NUP214: variants seen among roughly 807,000 people sequenced by gnomAD.
NUP214 encodes nucleoporin 214, also known as nuclear pore complex protein Nup214.
A neutral mutation model predicts 196.2 loss-of-function variants in NUP214; 79 were observed. That is an observed-to-expected ratio of 0.40 (90% CI 0.34 to 0.49). The LOEUF is 0.49. NUP214 is among the 20% of genes least tolerant of loss of function. The pLI, the probability that NUP214 is intolerant of heterozygous loss-of-function variation, is 0.58. For missense variants in NUP214, 2,468 were observed against 2,539.0 expected (o/e 0.97, Z 0.60); for synonymous variants, 1,020 against 990.5 (o/e 1.03, Z -0.56).
chr9:131,139,088 T>TG (rs1831828207), intron 9 of NUP214, among the ~76,000 whole-genome samples, 193 bp from the exon 10 acceptor site: 1 of 151,934 alleles, frequency 6.6e-6, no homozygotes, highest in Non-Finnish European at 1.5e-5. Context: ...TCCCATTTGC[T>TG]GGGGTACTTC....
At chr9:131,179,414 T>A (rs1157208153) in intron 24 of NUP214, among the ~76,000 whole-genome samples, 1 of 152,146 alleles carries the variant, frequency 6.6e-6, no homozygotes, top group Non-Finnish European at 1.5e-5. Context: ...GCCCTGCATA[T>A]TTTGTGACTG....
At chr9:131,203,439 A>G (rs1267667234) in intron 30 of NUP214, among the ~76,000 whole-genome samples, 1 of 152,242 alleles carries the variant, frequency 6.6e-6, no homozygotes, top group Non-Finnish European at 1.5e-5. Flanking sequence ...TTATGAAGAA[A>G]GATACCCTAA....
chr9:131,148,763 T>G (rs2133507028), intron 14 of NUP214, among the ~76,000 whole-genome samples: 1 of 152,272 alleles, frequency 6.6e-6, no homozygotes, highest in Admixed American at 6.5e-5. Context: ...CTTCTGATTT[T>G]TAAGAGTGAG....
At chr9:131,205,775 A>G (rs1834059403) in intron 30 of NUP214, among the ~76,000 whole-genome samples, 1 of 151,958 alleles carries the variant, frequency 6.6e-6, no homozygotes, top group Admixed American at 6.6e-5. Context: ...GCTCACTGCA[A>G]CCTCTGCCTG....
rs1834940294 is a variant in NUP214, at chr9:131,233,685, A to G, written c.*198A>G. On this transcript the variant is annotated 3_prime_UTR_variant, in exon 36 of 36. Transcript: ENST00000359428. ...ATGTTGGGTTTTCCCTCCCACTATT[A>G]AACAGTCTGTTTCCGTACAGAACGT... The G allele has an allele frequency of 3.0e-6, 2 of 664,330 alleles. No individual in the cohort carries two copies. Among genetic ancestry groups the G allele is most frequent in the South Asian group, 3.1e-5 (2 of 65,022 alleles). The allele number at this position is 664,330 out of a possible 1,614,324, so 41.2% of individuals were successfully genotyped here. A position where few individuals can be genotyped will look rare whatever the true frequency, so the allele number is the denominator to read the frequency against.
chr9:131,178,223 A>G (rs1833169996), intron 23 of NUP214, 88 bp from the exon 24 acceptor site: 3 of 935,168 alleles, frequency 3.2e-6, no homozygotes, highest in Non-Finnish European at 5.1e-6. Context: ...GCTTGGGCTC[A>G]TGTCTTGGTT....
intron 28 of NUP214, 178 bp downstream of exon 28, chr9:131,195,472 G>T (rs1833747846): frequency 2.2e-6 from 1 of 459,556 alleles, no homozygotes; most frequent in Admixed American, 4.1e-5. Flanking sequence ...TGATGTGAAG[G>T]ATTTCTATTT....
intron 24 of NUP214, 115 bp downstream of exon 24, chr9:131,178,525 G>A (rs1032594561): frequency 2.9e-6 from 2 of 696,082 alleles, no homozygotes; most frequent in South Asian, 1.8e-5. Flanking sequence ...ACCGCCTTAG[G>A]TTATAAGGGG....
intron 9 of NUP214, 32 bp from the exon 10 acceptor site, chr9:131,139,249 C>G: frequency 7.3e-7 from 1 of 1,370,878 alleles, no homozygotes. Context: ...TTTTCTTCTT[C>G]TTCTTCTTTT....
In NUP214 at chr9:131,159,496, A is replaced by T. The variant is rs370930367; in HGVS notation, c.2540+10A>T. The T allele has an allele frequency of 5.1e-6, 8 of 1,571,002 alleles. No homozygotes were observed. In the African/African-American group the frequency reaches 9.5e-5, roughly 19 times the overall value. ...AAAAGAAAAAACAAAGGTGAATGAG[A>T]TCTCTCATCTGCAATGTGTTGGAAT... On this transcript the variant is annotated intron_variant, in intron 18 of 35. Coordinates refer to ENST00000359428, the MANE Select transcript of NUP214 (RefSeq NM_005085.4).
At chr9:131,188,872 C>T (rs1833524875) in intron 25 of NUP214, among the ~76,000 whole-genome samples, 181 bp from the exon 26 acceptor site, 1 of 152,224 alleles carries the variant, frequency 6.6e-6, no homozygotes. Context: ...TATGATCTTA[C>T]ATATGGTTAA....
At chr9:131,135,789 A>G (rs1367774799) in intron 8 of NUP214, 151 bp from the exon 9 acceptor site, 4 of 581,734 alleles carry the variant, frequency 6.9e-6, no homozygotes, top group Non-Finnish European at 1.2e-5. Context: ...CTTTACATCT[A>G]GAATCTTCCC....
chr9:131,189,680 T>C (rs532837412), intron 26 of NUP214, among the ~76,000 whole-genome samples: 82 of 152,256 alleles, frequency 5.4e-4, no homozygotes, highest in Non-Finnish European at 8.8e-4. Context: ...AGCATAATTA[T>C]TCTTAATTTA....
At chr9:131,222,641 C>T (rs925056220) in intron 31 of NUP214, 137 bp from the exon 32 acceptor site, 19 of 954,752 alleles carry the variant, frequency 2.0e-5, no homozygotes, top group Middle Eastern at 6.0e-4. Context: ...CTGTCACTGT[C>T]GCTCCGCTCC....
Position 131,144,749 on chromosome 9 carries a change from T to G in NUP214, c.1764T>G (p.Ser588Arg), listed in dbSNP as rs751748193. 3 of 1,593,958 alleles carry G rather than the reference T, an allele frequency of 1.9e-6. No homozygotes were observed. The highest frequency in any genetic ancestry group is 2.2e-5 in the East Asian group (1 of 44,780). Residue 588 changes from serine (S) to arginine (R), a missense_variant, in exon 12 of 36, where the codon AGT (serine) becomes AGG (arginine). Transcript: ENST00000359428. ...CCTCTGCTGTCAAAGTCAACCTTAG[T>G]GAAAAGTAAGTCACTTCTAAAGTTT... ...PSTSAVKVNL[S>R]EKFTAAATST...
At chr9:131,127,416 G>C in intron 1 of NUP214, 108 bp from the exon 2 acceptor site, 1 of 822,742 alleles carries the variant, frequency 1.2e-6, no homozygotes, top group Non-Finnish European at 1.9e-6. Flanking sequence ...GACAGACCTT[G>C]GTCTCAGTAA....
At position 131,228,247 on chromosome 9, in the gene NUP214, C is replaced by T; in HGVS notation, c.5990C>T (p.Ala1997Val). The T allele has an allele frequency of 6.2e-7, 1 of 1,605,682 alleles. No individual in the cohort carries two copies. The highest frequency in any genetic ancestry group is 2.3e-5 in the East Asian group (1 of 44,224). The stretch of plus-strand genomic sequence containing the variant: ...GGAGGGGTGCCAGCATTCGGTTCAG[C>T]CCCAGCCTTTACAAGCCCTCTGGGC... The part of the protein sequence containing the change: ...GFGGVPAFGS[A>V]PAFTSPLGST... Residue 1997 changes from alanine to valine, a missense_variant, in exon 33 of 36, where the codon GCC becomes GTC. By Grantham distance (64) the Ala-to-Val change is moderately conservative. This residue lies in a region of NUP214 where 262 missense variants were observed against 296.5 expected (regional missense o/e 0.88). Transcript: ENST00000359428.
chr9:131,130,700 G>A, intron 4 of NUP214, 66 bp from the exon 5 acceptor site: 1 of 1,344,392 alleles, frequency 7.4e-7, no homozygotes, highest in Non-Finnish European at 1.1e-6. Context: ...AATTAGCTGT[G>A]TGTGATAGAT....
chr9:131,131,215 C>T (rs1301173399), intron 5 of NUP214, among the ~76,000 whole-genome samples: 2 of 152,202 alleles, frequency 1.3e-5, no homozygotes, highest in African/African-American at 4.8e-5. Flanking sequence ...GATGATAATG[C>T]AGAATCACTC....
Sources: allele counts gnomAD v4.1 joint callset (sites outside exome capture counted in the v4.1 genomes callset), GRCh38; gene constraint gnomAD v4.1.1; regional missense constraint gnomAD v4.1.1; transcripts MANE v1.5; gene names NCBI Gene and HGNC (gene_info 2026-07-23, HGNC 2026-07-21).